The following CD244 variants were observed in gnomAD, a reference collection of about 807,000 sequenced individuals.
The protein encoded by CD244 is CD244 molecule, also known as natural killer cell receptor 2B4.
A neutral mutation model predicts 45.5 loss-of-function variants in CD244; 20 were observed. The observed-to-expected ratio is 0.44, with a 90% CI of 0.31 to 0.64. CD244 has a LOEUF of 0.64. Ranked by LOEUF, CD244 falls within the 30% of genes least tolerant of loss-of-function variation. CD244 has a pLI of 0.08. For missense variants in CD244, 407 were observed against 426.9 expected, an observed-to-expected ratio of 0.95 and a Z score of 0.41; for synonymous variants, 185 against 160.5, an observed-to-expected ratio of 1.15 and a Z score of -1.15.
rs1170374330 is a variant in CD244, at chr1:160,830,165, A to G, written c.*1182T>C. On this transcript the variant is annotated 3_prime_UTR_variant, in exon 9 of 9. Coordinates refer to ENST00000368034, the MANE Select transcript of CD244 (RefSeq NM_016382.4). ...GAGAATAAAAATGCAGGGTATGGAG[A>G]GGATACATAAATTTAATTCAGGCAA... The G allele has an allele frequency of 6.6e-6, 1 of 152,334 alleles. No individual in the cohort carries two copies. The highest frequency in any genetic ancestry group is 1.5e-5 in the Non-Finnish European group (1 of 68,034). The allele number at this position is 152,334 out of a possible 1,614,324, so 9.4% of individuals were successfully genotyped here. A position where few individuals can be genotyped will look rare whatever the true frequency, so the allele number is the denominator to read the frequency against.
chr1:160,854,461 C>T (rs111487135), intron 1 of CD244, among the ~76,000 whole-genome samples: 3,708 of 152,096 alleles, frequency 0.024, 125 homozygotes, highest in African/African-American at 0.079. Flanking sequence ...CGGCTCACTG[C>T]AATCTCTGCC....
chr1:160,841,378 C>A lies in CD244; in HGVS notation c.487G>T (p.Ala163Ser). Residue 163 changes from alanine to serine, a missense_variant, in exon 3 of 9, where the codon GCT becomes TCT. Ala to Ser is a moderately conservative substitution (Grantham distance 99). Coordinates refer to ENST00000368034, the MANE Select transcript of CD244 (RefSeq NM_016382.4). Reference protein sequence around the residue: ...LVSRDGNVSYAWYRGSKLIQT... With the variant: ...LVSRDGNVSYSWYRGSKLIQT... ...ATCAGCTTGCTCCCTCTGTACCAAG[C>A]ATAGGACACATTGCCATCCCTGGAG... 4 of 1,614,202 alleles carry A rather than the reference C, an allele frequency of 2.5e-6. No homozygotes were observed. The highest frequency in any genetic ancestry group is 3.4e-6 in the Non-Finnish European group (4 of 1,180,034).
chr1:160,837,808 C>T (rs1397653662), intron 5 of CD244, among the ~76,000 whole-genome samples: 2 of 152,262 alleles, frequency 1.3e-5, no homozygotes, highest in South Asian at 2.1e-4. Context: ...AAGCGAGACA[C>T]AGCAGTGGGG....
chr1:160,858,401 G>A (rs1169457084), intron 1 of CD244, among the ~76,000 whole-genome samples: 1 of 152,090 alleles, frequency 6.6e-6, no homozygotes, highest in Non-Finnish European at 1.5e-5. Flanking sequence ...TGTCACCTGT[G>A]CCCTTTTATT....
chr1:160,841,628 A>G lies in CD244; in HGVS notation c.335T>C (p.Ile112Thr), dbSNP rs753998095. The change falls in exon 2 of 9, where the codon ATA becomes ACA. Residue 112 changes from isoleucine (I) to threonine (T), a missense_variant. Transcript: ENST00000368034. ...CGTGGCTGTCTGAACTTTTCCAGATATACTGGTGACCTCCAGGCAGTAGAG... is the reference window on the plus strand; with the variant it reads ...CGTGGCTGTCTGAACTTTTCCAGATGTACTGGTGACCTCCAGGCAGTAGAG... ...SGLYCLEVTS[I>T]SGKVQTATFQ... 5.6e-6 allele frequency: 9 copies of G among 1,614,232 alleles called. No individual in the cohort carries two copies. In the Admixed American group the frequency reaches 1.3e-4, roughly 24 times the overall value.
chr1:160,856,558 TTCA>T (rs1173822631), intron 1 of CD244, among the ~76,000 whole-genome samples: 4 of 152,192 alleles, frequency 2.6e-5, no homozygotes, highest in South Asian at 4.1e-4. Flanking sequence ...AGAAGGAATC[TTCA>T]TCTTCTTAGC....
chr1:160,839,244 T>C lies in CD244; in HGVS notation c.656-195A>G, dbSNP rs1367280643. 5 of 523,130 alleles carry C rather than the reference T, an allele frequency of 9.6e-6. No individual in the cohort carries two copies. The East Asian group carries it at 1.7e-4, about 17-fold the overall frequency. 32.4% of individuals were successfully genotyped at this position (523,130 alleles called of 1,614,324 possible). A position where few individuals can be genotyped will look rare whatever the true frequency, so the allele number is the denominator to read the frequency against. ...CCTCCTCTGAGTGATGCCAAGAGCA[T>C]AGATATATCAGACAGGCCTGGCTCA... On this transcript the variant is annotated intron_variant, in intron 3 of 8. Transcript: ENST00000368034.
At chr1:160,849,304 C>CTTTTTTT (rs1557840584) in intron 1 of CD244, among the ~76,000 whole-genome samples, 57 of 108,340 alleles carry the variant, frequency 5.3e-4, no homozygotes, top group South Asian at 1.3e-3. Flanking sequence ...TTTTGTTTTA[C>CTTTTTTT]TTTAAGTTCT....
At chr1:160,848,526 T>A in intron 1 of CD244, 1 of 433,824 alleles carries the variant, frequency 2.3e-6, no homozygotes, top group African/African-American at 2.0e-5. Flanking sequence ...CAAAAGACCC[T>A]CATTTCAGAG....
At chr1:160,837,043 C>G (rs980946803) in intron 5 of CD244, among the ~76,000 whole-genome samples, 1 of 152,184 alleles carries the variant, frequency 6.6e-6, no homozygotes, top group Non-Finnish European at 1.5e-5. Context: ...GCTTTTCTCT[C>G]CCGTCCAGAC....
Position 160,841,733 on chromosome 1 carries a change from T to C in CD244, c.230A>G (p.Asn77Ser), listed in dbSNP as rs530116201. The change falls in exon 2 of 9, where the codon AAT becomes AGT. Residue 77 changes from asparagine (N) to serine (S), a missense_variant. Transcript: ENST00000368034. Reference protein sequence around the residue: ...LKWENGSLPSNTSNDRFSFIV... With the variant: ...LKWENGSLPSSTSNDRFSFIV... ...AAAACTGAATCTATCATTGGAAGTA[T>C]TGGAAGGCAAAGAGCCATTCTCCCA... 3.1e-6 allele frequency: 5 copies of C among 1,614,222 alleles called. No homozygotes were observed. In the East Asian group the frequency reaches 6.7e-5, roughly 22 times the overall value.
At chr1:160,857,557 C>T (rs12047127) in intron 1 of CD244, among the ~76,000 whole-genome samples, 37,565 of 152,008 alleles carry the variant, frequency 0.25, 5,004 homozygotes, top group East Asian at 0.4. Context: ...TCCATATATA[C>T]GGACAAAACA....
chr1:160,844,212 G>A (rs535610), intron 1 of CD244, among the ~76,000 whole-genome samples: 83,347 of 152,048 alleles, frequency 0.55, 24,871 homozygotes, highest in African/African-American at 0.8. Context: ...AATATCCAAA[G>A]TGAAGTATAA....
chr1:160,847,001 A>C (rs1256701349), intron 1 of CD244, among the ~76,000 whole-genome samples: 1 of 152,172 alleles, frequency 6.6e-6, no homozygotes, highest in Non-Finnish European at 1.5e-5. Flanking sequence ...AAAAGAAATG[A>C]GAAGGGAATC....
At position 160,838,514 on chromosome 1, in the gene CD244, G is replaced by T; in HGVS notation, c.771C>A (p.Thr257=). The T allele has an allele frequency of 1.2e-6, 2 of 1,610,800 alleles. No homozygotes were observed. Among genetic ancestry groups the T allele is most frequent in the Non-Finnish European group, 1.7e-6 (2 of 1,177,008 alleles). Residue 257 remains threonine, a synonymous_variant, in exon 5 of 9, where the codon ACC becomes ACA. Transcript: ENST00000368034. ...RRKRKEKQSE[T]SPKEFLTIYE... is the part of the protein sequence containing the mutation. The stretch of plus-strand genomic sequence containing the variant: ...AAATTGTCAAAAATTCCTTGGGACT[G>T]GTCTCTGAGGGAGGAAGAAAACAAA...
chr1:160,854,590 C>T (rs1171698284), intron 1 of CD244, among the ~76,000 whole-genome samples: 2 of 147,546 alleles, frequency 1.4e-5, no homozygotes, highest in Non-Finnish European at 3.0e-5. Flanking sequence ...GACAGGGTTT[C>T]GCCATATTGG....
chr1:160,842,312 C>T (rs745964697), intron 1 of CD244, among the ~76,000 whole-genome samples: 5 of 152,154 alleles, frequency 3.3e-5, no homozygotes, highest in Admixed American at 6.5e-5. Context: ...TGCAGTGGCG[C>T]AATCACAGCT....
intron 3 of CD244, among the ~76,000 whole-genome samples, chr1:160,839,989 G>A (rs1268038329): frequency 2.6e-5 from 4 of 152,132 alleles, no homozygotes; most frequent in African/African-American, 9.7e-5. Context: ...TCCAAGGGCT[G>A]ACAAGGCTCT....
chr1:160,857,195 G>T (rs1279658780), intron 1 of CD244, among the ~76,000 whole-genome samples: 1 of 152,134 alleles, frequency 6.6e-6, no homozygotes, highest in Non-Finnish European at 1.5e-5. Context: ...AAAGCCAGTG[G>T]CCCCAAAGCA....
Sources: allele counts gnomAD v4.1 joint callset (sites outside exome capture counted in the v4.1 genomes callset), GRCh38; gene constraint gnomAD v4.1.1; transcripts MANE v1.5; gene names NCBI Gene and HGNC (gene_info 2026-07-23, HGNC 2026-07-21).